AGRN: variants seen among roughly 807,000 people sequenced by gnomAD.
AGRN encodes agrin, also known as agrin proteoglycan.
A neutral mutation model predicts 211.0 loss-of-function variants in AGRN; 106 were observed. The observed-to-expected ratio is 0.50, with a 90% CI of 0.43 to 0.59. The LOEUF (loss-of-function observed/expected upper bound fraction) is 0.59. AGRN is among the 20% of genes least tolerant of loss of function. AGRN has a pLI of 0.00. For synonymous variants in AGRN, 1,525 were observed against 1,332.5 expected, an observed-to-expected ratio of 1.14 and a Z score of -3.15; for missense variants, 3,040 against 2,982.6, an observed-to-expected ratio of 1.02 and a Z score of -0.45.
chr1:1,022,469 G>GGTGGGGGGCTC lies in AGRN; in HGVS notation c.463+11_463+21dup. 6.2e-7 allele frequency: 1 copy of GGTGGGGGGCTC among 1,604,470 alleles called. No homozygotes were observed. Among genetic ancestry groups the GGTGGGGGGCTC allele is most frequent in the Non-Finnish European group, 8.5e-7 (1 of 1,173,746 alleles). On this transcript the variant is annotated splice_region_variant and intron_variant, in intron 2 of 35. Coordinates refer to ENST00000379370, the MANE Select transcript of AGRN (RefSeq NM_198576.4). Reference sequence around the variant, plus strand: ...GTGGAGTTCTGTGTGGAAGGTGCGTGGTGGGGGGCTCGTGTGGGGGCCTGT... The same window carrying GGTGGGGGGCTC: ...GTGGAGTTCTGTGTGGAAGGTGCGTGGTGGGGGGCTCGTGGGGGGCTCGTGTGGGGGCCTGT...
rs2100629904 is a variant in AGRN at position 1,040,803 on chromosome 1, A to G, written c.650A>G (p.Tyr217Cys). The change falls in exon 4 of 36, where the codon TAC (tyrosine) becomes TGC (cysteine). Residue 217 changes from tyrosine to cysteine, a missense_variant. By Grantham distance (194) the Tyr-to-Cys change is radical (BLOSUM62 -2). Transcript: ENST00000379370. ...APVCGSDAST[Y>C]SNECELQRAQ... is the part of the protein sequence containing the mutation. ...GTGTGTGGGTCGGACGCCTCCACCT[A>G]CAGCAACGAATGCGAGCTGCAGCGG... 6.5e-7 allele frequency: 1 copy of G among 1,538,632 alleles called. No individual in the cohort carries two copies. The highest frequency in any genetic ancestry group is 1.2e-5 in the South Asian group (1 of 84,148).
In AGRN at chr1:1,031,195, TCAG is replaced by T. The variant is rs1157306352; in HGVS notation, c.464-4079_464-4077del. On this transcript the variant is annotated intron_variant, in intron 2 of 35. Coordinates refer to ENST00000379370, the MANE Select transcript of AGRN (RefSeq NM_198576.4). The surrounding 1 kb of genome is among the most constrained non-coding windows in gnomAD (Gnocchi z 4.8). ...GCAGTGCATGGTGCTGAGTGTGAGA[TCAG>T]CATGTGTGTGTGCAGTGCATGGTGC... Among the ~76,000 whole-genome samples, 23 of 136,794 alleles carry T rather than the reference TCAG, an allele frequency of 1.7e-4. No individual in the cohort carries two copies. The highest frequency in any genetic ancestry group is 6.5e-4 in the African/African-American group (23 of 35,572). The allele number at this position is 136,794 out of a possible 152,430, so 89.7% of individuals were successfully genotyped here. A position where few individuals can be genotyped will look rare whatever the true frequency, so the allele number is the denominator to read the frequency against.
chr1:1,048,072 C>G lies in AGRN; in HGVS notation c.3812C>G (p.Ala1271Gly), dbSNP rs758840329. Reference protein sequence around the residue: ...TSGAIAAGATARATTASRLPS... With the variant: ...TSGAIAAGATGRATTASRLPS... ...GGAGCCATTGCTGCGGGAGCCACGG[C>G]CAGAGCCACCACTGCATCGCGCCTG... Residue 1271 changes from alanine (A) to glycine (G), a missense_variant, in exon 23 of 36, where the codon GCC becomes GGC. Physicochemically the swap from Ala to Gly is moderately conservative, Grantham distance 60. Transcript: ENST00000379370. This position sits in a 1 kb window ranked among gnomAD's most constrained non-coding sequence, Gnocchi z 5.9. The G allele has an allele frequency of 3.8e-6, 6 of 1,583,020 alleles. No individual in the cohort carries two copies. The South Asian group carries it at 6.8e-5, about 18-fold the overall frequency.
intron 2 of AGRN, among the ~76,000 whole-genome samples, chr1:1,033,429 C>A (rs913672261): frequency 2.0e-5 from 3 of 151,568 alleles, no homozygotes; most frequent in African/African-American, 7.3e-5. Context: ...CTCCGATTCA[C>A]CCCCGCGGGT....
intron 33 of AGRN, chr1:1,052,834 AGT>A (rs1462698131): frequency 7.7e-6 from 1 of 129,060 alleles, no homozygotes; most frequent in African/African-American, 3.1e-5. Flanking sequence ...TGTGTGTCCG[AGT>A]GTGTGTCCAT....
In AGRN at chr1:1,055,088, C is replaced by T; in HGVS notation, c.*107C>T. 6.7e-7 allele frequency: 1 copy of T among 1,489,318 alleles called. No homozygotes were observed. The highest frequency in any genetic ancestry group is 9.0e-7 in the Non-Finnish European group (1 of 1,106,704). 92.3% of individuals were successfully genotyped at this position (1,489,318 alleles called of 1,614,324 possible). ...GAGTGTTGGCCGGAGGGACTGCTGG[C>T]CCGGCCTCCCTTCCGTCCAGGCAGC... On this transcript the variant is annotated 3_prime_UTR_variant, in exon 36 of 36. Transcript: ENST00000379370.
intron 3 of AGRN, among the ~76,000 whole-genome samples, chr1:1,040,451 C>A (rs1338924859): frequency 6.6e-6 from 1 of 152,210 alleles, no homozygotes; most frequent in Admixed American, 6.5e-5. Flanking sequence ...CCTGGAGAGG[C>A]CCGGGGCTGG....
chr1:1,028,816 G>A (rs1480893626), intron 2 of AGRN, among the ~76,000 whole-genome samples: 3 of 40,242 alleles, frequency 7.5e-5, no homozygotes, highest in Admixed American at 2.4e-4. Context: ...CCTTTCCGAA[G>A]GAACCGAGCC....
In AGRN at chr1:1,033,481, C is replaced by T. The variant is rs563638983; in HGVS notation, c.464-1796C>T. Among the ~76,000 whole-genome samples the T allele has an allele frequency of 3.3e-5, 5 of 151,550 alleles. No individual in the cohort carries two copies. In the South Asian group the frequency reaches 8.3e-4, roughly 25 times the overall value. ...CCCGGCCCAGCTCCTGCTCCCCAGGCGCTTCCTCCTCCCGCGACCTGCCCC... is the reference window on the plus strand; with the variant it reads ...CCCGGCCCAGCTCCTGCTCCCCAGGTGCTTCCTCCTCCCGCGACCTGCCCC... On this transcript the variant is annotated intron_variant, in intron 2 of 35. Coordinates refer to ENST00000379370, the MANE Select transcript of AGRN (RefSeq NM_198576.4).
In AGRN at chr1:1,020,849, G is replaced by GGGC. The variant is rs1018178720; in HGVS notation, c.201+478_201+479insCGG. Among the ~76,000 whole-genome samples the GGGC allele has an allele frequency of 6.4e-4, 97 of 150,840 alleles. 12 individuals carry two copies. Among genetic ancestry groups the GGGC allele is most frequent in the African/African-American group, 1.7e-3 (70 of 41,276 alleles). ...AGGTGGGGGGTGCCGCAGTGGTGCG[G>GGGC]GGGGGGGGCGTGCAGGAGCAGAGAG... On this transcript the variant is annotated intron_variant, in intron 1 of 35. Coordinates refer to ENST00000379370, the MANE Select transcript of AGRN (RefSeq NM_198576.4).
In AGRN at chr1:1,051,181, G is replaced by A. The variant is rs1039428003; in HGVS notation, c.5254-72G>A. 78 of 1,521,446 alleles carry A rather than the reference G, an allele frequency of 5.1e-5. No individual in the cohort carries two copies. The South Asian group carries it at 5.4e-4, about 11-fold the overall frequency. The allele number at this position is 1,521,446 out of a possible 1,614,324, so 94.2% of individuals were successfully genotyped here. A position where few individuals can be genotyped will look rare whatever the true frequency, so the allele number is the denominator to read the frequency against. ...GGCAATGGGCGGGTGGGGCGGGTGC[G>A]TGCAGGTGCCTGGGCCCTGGGTCTG... On this transcript the variant is annotated intron_variant, in intron 30 of 35. Coordinates refer to ENST00000379370, the MANE Select transcript of AGRN (RefSeq NM_198576.4).
At chr1:1,043,119 T>C in intron 7 of AGRN, 120 bp from the exon 8 acceptor site, 1 of 1,142,316 alleles carries the variant, frequency 8.8e-7, no homozygotes, top group Admixed American at 2.0e-5. Context: ...GCCCTTCTCC[T>C]GTGTTCTCTC....
At chr1:1,050,075 G>A (rs779543154) in intron 27 of AGRN, 38 bp downstream of exon 27, 9 of 1,518,682 alleles carry the variant, frequency 5.9e-6, no homozygotes, top group South Asian at 1.2e-5. Flanking sequence ...GGGGGGGGGG[G>A]GGGTTGAACG....
intron 2 of AGRN, chr1:1,034,646 C>G (rs1279837211): frequency 1.0e-6 from 1 of 988,222 alleles, no homozygotes; most frequent in African/African-American, 1.7e-5. Flanking sequence ...CAACGCCTGC[C>G]TGATCCTGCT....
In AGRN at chr1:1,046,170, C is replaced by T. The variant is rs1645086541; in HGVS notation, c.2816C>T (p.Ser939Leu). The change falls in exon 17 of 36, where the codon TCA becomes TTA. Residue 939 changes from serine (S) to leucine (L), a missense_variant. This residue lies in a region of AGRN where 1,498 missense variants were observed against 1,457.8 expected (regional missense o/e 1.03). Transcript: ENST00000379370. ...TGTTCTCTGCCCCAGGTCTGTGGGT[C>T]AGATGGAGTCACATACGGCAACGAG... ...PEANATKVCG[S>L]DGVTYGNECQ... is the part of the protein sequence containing the mutation. 1.2e-6 allele frequency: 2 copies of T among 1,613,856 alleles called. No individual in the cohort carries two copies. The highest frequency in any genetic ancestry group is 1.7e-6 in the Non-Finnish European group (2 of 1,180,000).
chr1:1,022,594 C>CAGACTA, intron 2 of AGRN, 132 bp downstream of exon 2: 1 of 772,498 alleles, frequency 1.3e-6, no homozygotes, highest in Non-Finnish European at 2.0e-6. Flanking sequence ...GTCTTGTGGT[C>CAGACTA]CAACCTCATT....
intron 2 of AGRN, 126 bp from the exon 3 acceptor site, chr1:1,035,151 G>C (rs927870233): frequency 2.2e-5 from 24 of 1,111,978 alleles, no homozygotes; most frequent in Non-Finnish European, 3.2e-5. Context: ...CAGCAGCCTG[G>C]ATCCCTGGGG....
At chr1:1,037,728 G>A (rs1644834739) in intron 3 of AGRN, among the ~76,000 whole-genome samples, 1 of 152,204 alleles carries the variant, frequency 6.6e-6, no homozygotes, top group Non-Finnish European at 1.5e-5. Flanking sequence ...GGGGCCATGT[G>A]GGCAGGTGAC....
rs763198480 is a variant in AGRN at position 1,043,370 on chromosome 1, G to A, written c.1516G>A (p.Gly506Ser). The A allele has an allele frequency of 1.6e-5, 25 of 1,610,004 alleles. No homozygotes were observed. The highest frequency in any genetic ancestry group is 1.7e-5 in the Non-Finnish European group (20 of 1,178,860). Reference protein sequence around the residue: ...SLYDPVCGSDGVTYGSACELE... With the variant: ...SLYDPVCGSDSVTYGSACELE... ...CTACGATCCTGTGTGCGGCAGCGAC[G>A]GCGTCACATACGGCAGCGCGTGCGA... The change falls in exon 8 of 36, where the codon GGC becomes AGC. Residue 506 changes from glycine (G) to serine (S), a missense_variant. Transcript: ENST00000379370.
Sources: allele counts gnomAD v4.1 joint callset (sites outside exome capture counted in the v4.1 genomes callset), GRCh38; gene constraint gnomAD v4.1.1; regional missense constraint gnomAD v4.1.1; non-coding constraint Gnocchi (gnomAD v3.1); transcripts MANE v1.5; gene names NCBI Gene and HGNC (gene_info 2026-07-23, HGNC 2026-07-21).